MAEL: variants seen among roughly 807,000 people sequenced by gnomAD.
MAEL encodes maelstrom spermatogenic transposon silencer, also known as protein maelstrom homolog.
Under a neutral mutation model 62.0 loss-of-function variants are expected in MAEL, and 46 were observed. The observed-to-expected ratio is 0.74, with a 90% CI of 0.59 to 0.95. The LOEUF is 0.95. MAEL is among the 40% of genes least tolerant of loss of function. The pLI, the probability that MAEL is intolerant of heterozygous loss-of-function variation, is 0.00. For missense variants in MAEL, 497 were observed against 526.8 expected (o/e 0.94, Z 0.55); for synonymous variants, 172 against 175.5 (o/e 0.98, Z 0.16).
At chr1:166,977,777 C>A (rs1663637381) in intron 1 of MAEL, among the ~76,000 whole-genome samples, 1 of 147,478 alleles carries the variant, frequency 6.8e-6, no homozygotes, top group South Asian at 2.1e-4. Flanking sequence ...CATGGTGAAA[C>A]CCCATCTCTA....
At chr1:167,004,334 G>A (rs1328466804) in intron 6 of MAEL, 30 bp downstream of exon 6, 3 of 1,556,412 alleles carry the variant, frequency 1.9e-6, no homozygotes, top group East Asian at 2.3e-5. Flanking sequence ...TTCTTTTAAG[G>A]TATCAATTTA....
At chr1:167,001,986 G>T (rs1027871038) in intron 5 of MAEL, among the ~76,000 whole-genome samples, 2 of 152,122 alleles carry the variant, frequency 1.3e-5, no homozygotes, top group Admixed American at 1.3e-4. Context: ...TTGCCATGTT[G>T]GCCAGGCCCA....
chr1:166,988,333 G>A (rs1436082583), upstream of MAEL, among the ~76,000 whole-genome samples: 5 of 125,450 alleles, frequency 4.0e-5, no homozygotes, highest in Non-Finnish European at 6.3e-5. Flanking sequence ...CTGGGTGACA[G>A]ACTGAGACCC....
At chr1:167,007,147 T>A (rs1664948936) in intron 8 of MAEL, among the ~76,000 whole-genome samples, 1 of 152,088 alleles carries the variant, frequency 6.6e-6, no homozygotes, top group African/African-American at 2.4e-5. Flanking sequence ...AAAAAAAAGT[T>A]TCTCCTTTTT....
Position 166,989,720 on chromosome 1 carries a change from C to T in MAEL, c.133-17C>T. ...CTCACGGCTGTTTCTCTTCTTTGCT[C>T]CTTCAATCCCCAAAAGCTTCTGAGG... On this transcript the variant is annotated splice_polypyrimidine_tract_variant and intron_variant, in intron 1 of 11. Transcript: ENST00000367872. 6.2e-7 allele frequency: 1 copy of T among 1,610,954 alleles called. No homozygotes were observed. The highest frequency in any genetic ancestry group is 8.5e-7 in the Non-Finnish European group (1 of 1,178,514).
At chr1:166,995,571 A>G (rs1225134638) in intron 5 of MAEL, among the ~76,000 whole-genome samples, 2 of 152,112 alleles carry the variant, frequency 1.3e-5, no homozygotes, top group East Asian at 1.9e-4. Context: ...TTGAATGGAA[A>G]GTAATTACAA....
intron 5 of MAEL, among the ~76,000 whole-genome samples, chr1:167,000,963 C>A (rs1664635222): frequency 6.6e-6 from 1 of 152,216 alleles, no homozygotes; most frequent in Admixed American, 6.5e-5. Flanking sequence ...ATGTTTATAA[C>A]AGCACAATTT....
At chr1:167,006,469 C>G (rs1664900511) in intron 8 of MAEL, among the ~76,000 whole-genome samples, 1 of 151,676 alleles carries the variant, frequency 6.6e-6, no homozygotes, top group Non-Finnish European at 1.5e-5. Context: ...GATTATGTGA[C>G]TGACTGCTCA....
At chr1:166,979,918 A>G (rs1373339045) in intron 1 of MAEL, among the ~76,000 whole-genome samples, 1 of 152,276 alleles carries the variant, frequency 6.6e-6, no homozygotes, top group Non-Finnish European at 1.5e-5. Flanking sequence ...GGTATCAAAT[A>G]TGAAAAAATA....
At chr1:166,989,227 C>A, upstream of MAEL, 1 of 1,293,334 alleles carries the variant, frequency 7.7e-7, no homozygotes, top group Non-Finnish European at 1.0e-6. Flanking sequence ...CTGCGCGTCG[C>A]TTCCTGATTG....
chr1:167,003,584 G>A (rs2102094886), intron 5 of MAEL, among the ~76,000 whole-genome samples: 1 of 152,282 alleles, frequency 6.6e-6, no homozygotes, highest in African/African-American at 2.4e-5. Context: ...TTCCTCTTCT[G>A]GAATTGGCAA....
Position 167,017,827 on chromosome 1 carries a change from G to A in MAEL, c.909G>A (p.Ala303=). The A allele has an allele frequency of 6.2e-7, 1 of 1,608,846 alleles. No individual in the cohort carries two copies. The highest frequency in any genetic ancestry group is 1.1e-5 in the South Asian group (1 of 90,136). Residue 303 remains alanine (A), a splice_region_variant and synonymous_variant, in exon 10 of 12, where the codon GCG becomes GCA. Transcript: ENST00000367872. ...AGTGAGATTTTTATTTCTTTTAAAG[G>A]TACTGCATCAGTAATTCTCTGGCCA... ...FCALAVCKKI[A]YCISNSLATL...
At chr1:166,988,598 G>A (rs1289204772), upstream of MAEL, among the ~76,000 whole-genome samples, 2 of 151,802 alleles carry the variant, frequency 1.3e-5, no homozygotes, top group African/African-American at 4.8e-5. Context: ...TATATACACA[G>A]GACCAACACT....
chr1:167,020,942 G>T, intron 10 of MAEL, 143 bp from the exon 11 acceptor site: 1 of 692,196 alleles, frequency 1.4e-6, no homozygotes, highest in Non-Finnish European at 2.5e-6. Context: ...CTCCCCCTTT[G>T]CAGCAAAAAT....
At chr1:166,979,415 C>G (rs745697888) in intron 1 of MAEL, among the ~76,000 whole-genome samples, 3 of 150,568 alleles carry the variant, frequency 2.0e-5, no homozygotes, top group Non-Finnish European at 4.4e-5. Flanking sequence ...ACCCAGAAAA[C>G]CAAGGAACTA....
At chr1:166,999,672 C>T (rs1664579542) in intron 5 of MAEL, among the ~76,000 whole-genome samples, 1 of 152,176 alleles carries the variant, frequency 6.6e-6, no homozygotes, top group South Asian at 2.1e-4. Flanking sequence ...AATGAAACCA[C>T]CTTCTGTTGG....
Position 167,018,000 on chromosome 1 carries a change from G to A in MAEL, c.1041+41G>A, listed in dbSNP as rs369980645. 8 of 1,592,294 alleles carry A rather than the reference G, an allele frequency of 5.0e-6. No homozygotes were observed. The African/African-American group carries it at 5.4e-5, about 11-fold the overall frequency. ...TTAAGAGCTGCTGGTCTCTTTAGCT[G>A]TTCTACTCAATGTGATTCTGGCCAA... On this transcript the variant is annotated intron_variant, in intron 10 of 11. Transcript: ENST00000367872.
At chr1:167,021,194 A>C (rs1665615500) in intron 11 of MAEL, 34 bp downstream of exon 11, 5 of 1,464,622 alleles carry the variant, frequency 3.4e-6, no homozygotes, top group Non-Finnish European at 3.8e-6. Context: ...AATGCACCTA[A>C]AGGATGTTAG....
At chr1:167,005,601 T>TC (rs1664860832) in intron 8 of MAEL, 4 of 430,244 alleles carry the variant, frequency 9.3e-6, no homozygotes, top group Non-Finnish European at 1.6e-5. Context: ...AATAAACTGT[T>TC]CTTTCTTATC....
Sources: allele counts gnomAD v4.1 joint callset (sites outside exome capture counted in the v4.1 genomes callset), GRCh38; gene constraint gnomAD v4.1.1; transcripts MANE v1.5; gene names NCBI Gene and HGNC (gene_info 2026-07-23, HGNC 2026-07-21).